Variants in PKD1L1 observed in about 807,000 individuals in gnomAD.
PKD1L1 encodes polycystin 1 like 1, transient receptor potential channel interacting, also known as polycystin-1-like protein 1.
A neutral mutation model predicts 323.4 loss-of-function variants in PKD1L1; 236 were observed. The observed-to-expected ratio is 0.73, with a 90% CI of 0.66 to 0.81. PKD1L1 has a LOEUF of 0.81. PKD1L1 is among the 40% of genes least tolerant of loss of function. The probability of loss-of-function intolerance (pLI) is 0.00; values close to 1 mark genes in which losing one functional copy is unlikely to be tolerated. For missense variants in PKD1L1, 3,320 were observed against 3,508.0 expected (o/e 0.95, Z 1.35); for synonymous variants, 1,344 against 1,335.0 (o/e 1.01, Z -0.15).
At chr7:47,858,620 A>T in intron 27 of PKD1L1, 53 bp downstream of exon 27, 6 of 1,506,104 alleles carry the variant, frequency 4.0e-6, no homozygotes, top group Non-Finnish European at 5.5e-6. Flanking sequence ...ACAGGTTAAC[A>T]TCCTGGGATA....
intron 27 of PKD1L1, 84 bp from the exon 28 acceptor site, chr7:47,857,916 A>C: frequency 1.5e-6 from 2 of 1,333,478 alleles, no homozygotes; most frequent in Non-Finnish European, 2.1e-6. Flanking sequence ...AGAGGGGAAA[A>C]GTAGTTAAAA....
intron 44 of PKD1L1, among the ~76,000 whole-genome samples, chr7:47,827,758 A>T (rs977239643): frequency 6.6e-6 from 1 of 152,184 alleles, no homozygotes; most frequent in Non-Finnish European, 1.5e-5. Flanking sequence ...GGGTATGTCT[A>T]CTACTGTCAA....
upstream of PKD1L1, among the ~76,000 whole-genome samples, chr7:47,950,321 C>T (rs1314826594): frequency 6.6e-6 from 1 of 152,106 alleles, no homozygotes; most frequent in Non-Finnish European, 1.5e-5. Flanking sequence ...ACAGGGCCTA[C>T]ATTTAAAGTT....
Position 47,836,993 on chromosome 7 carries a change from G to A in PKD1L1, c.5871C>T (p.Leu1957=), listed in dbSNP as rs747193187. Reference sequence around the variant, plus strand: ...CGCACAGCAGGGAGAAGGACACGGTGAGGCGCGGCGTGTGCAGGTAGCGGC... The same window carrying A: ...CGCACAGCAGGGAGAAGGACACGGTAAGGCGCGGCGTGTGCAGGTAGCGGC... ...SSSRYLHTPR[L]TVSFSLLCVY... The change falls in exon 37 of 57, where the codon CTC becomes CTT. Residue 1957 remains leucine (L), a synonymous_variant. Coordinates refer to ENST00000289672, the MANE Select transcript of PKD1L1 (RefSeq NM_138295.5). 6 of 1,614,114 alleles carry A rather than the reference G, an allele frequency of 3.7e-6. No homozygotes were observed. Among genetic ancestry groups the A allele is most frequent in the Non-Finnish European group, 5.1e-6 (6 of 1,180,052 alleles).
At chr7:47,895,918 A>G (rs945572192) in intron 14 of PKD1L1, among the ~76,000 whole-genome samples, 3 of 152,146 alleles carry the variant, frequency 2.0e-5, no homozygotes, top group Admixed American at 6.5e-5. Flanking sequence ...TGTTTAGTTG[A>G]TAGAGAAAAG....
chr7:47,927,594 T>C (rs1787680019), intron 7 of PKD1L1, among the ~76,000 whole-genome samples: 1 of 152,182 alleles, frequency 6.6e-6, no homozygotes, highest in Non-Finnish European at 1.5e-5. Context: ...AAAGAGCTCA[T>C]TGAAACCCCA....
intron 50 of PKD1L1, among the ~76,000 whole-genome samples, chr7:47,811,154 C>CTTTT (rs11412484): frequency 8.2e-6 from 1 of 121,232 alleles, no homozygotes; most frequent in African/African-American, 3.3e-5. Context: ...ATGTCTCCTT[C>CTTTT]TTTTTTTTTT....
intron 25 of PKD1L1, 27 bp downstream of exon 25, chr7:47,866,392 C>A: frequency 6.2e-7 from 1 of 1,604,366 alleles, no homozygotes. Context: ...TTTACAGACA[C>A]TAAACTCACC....
chr7:47,858,245 C>T (rs1216181118), intron 27 of PKD1L1, among the ~76,000 whole-genome samples: 1 of 152,056 alleles, frequency 6.6e-6, no homozygotes. Flanking sequence ...TCCAAAGTTA[C>T]CAGAGCAGAA....
At chr7:47,945,406 G>A (rs540234005) in intron 1 of PKD1L1, among the ~76,000 whole-genome samples, 1 of 152,260 alleles carries the variant, frequency 6.6e-6, no homozygotes, top group South Asian at 2.1e-4. Context: ...CCAGAGGGCA[G>A]ACGAGGACAA....
chr7:47,829,634 G>A (rs750614772), intron 43 of PKD1L1, 33 bp from the exon 44 acceptor site: 13 of 1,568,910 alleles, frequency 8.3e-6, no homozygotes, highest in Admixed American at 3.7e-5. Context: ...GCAGAGAGCC[G>A]CCCTATGTCT....
intron 21 of PKD1L1, among the ~76,000 whole-genome samples, chr7:47,878,730 C>T (rs1786462720): frequency 6.6e-6 from 1 of 152,146 alleles, no homozygotes; most frequent in Non-Finnish European, 1.5e-5. Flanking sequence ...GGCATTCCAG[C>T]CAAAATAACC....
At chr7:47,957,560 G>A in the PKD1L1 span, among the ~76,000 whole-genome samples, 1 of 152,066 alleles carries the variant, frequency 6.6e-6, no homozygotes, top group Non-Finnish European at 1.5e-5. Flanking sequence ...CCACGCTGAA[G>A]TGCAGTGTTG....
chr7:47,774,993 A>G lies in PKD1L1; in HGVS notation c.*150T>C. ...ACCTTGATTTTCATCCTGGTTTCCC[A>G]TTTACTTGTTACGTGAACTGGAAAA... On this transcript the variant is annotated 3_prime_UTR_variant, in exon 57 of 57. Transcript: ENST00000289672. The G allele has an allele frequency of 1.3e-6, 1 of 773,860 alleles. No homozygotes were observed. Among genetic ancestry groups the G allele is most frequent in the Non-Finnish European group, 2.2e-6 (1 of 459,456 alleles). 47.9% of individuals were successfully genotyped at this position (773,860 alleles called of 1,614,324 possible).
At chr7:47,890,376 C>T (rs2128748627) in intron 16 of PKD1L1, among the ~76,000 whole-genome samples, 166 bp downstream of exon 16, 1 of 152,304 alleles carries the variant, frequency 6.6e-6, no homozygotes, top group Non-Finnish European at 1.5e-5. Context: ...GGACTGCTTC[C>T]CCAGCCGCTT....
intron 31 of PKD1L1, among the ~76,000 whole-genome samples, chr7:47,850,718 T>C (rs187715295): frequency 1.3e-5 from 2 of 150,682 alleles, no homozygotes; most frequent in East Asian, 1.9e-4. Flanking sequence ...ATAAAACGTA[T>C]AGCAAAAACC....
intron 31 of PKD1L1, 121 bp downstream of exon 31, chr7:47,853,006 G>A (rs1421690496): frequency 9.7e-6 from 7 of 724,926 alleles, no homozygotes; most frequent in Non-Finnish European, 1.7e-5. Flanking sequence ...TAAGCAAGCA[G>A]AGAAAGGATT....
Position 47,880,852 on chromosome 7 carries a change from A to G in PKD1L1, c.3443-47T>C, listed in dbSNP as rs17131899. The G allele has an allele frequency of 0.29, 438,662 of 1,495,618 alleles. 68,481 individuals carry two copies. The highest frequency in any genetic ancestry group is 0.56 in the African/African-American group (39,896 of 70,846). The allele number at this position is 1,495,618 out of a possible 1,614,324, so 92.6% of individuals were successfully genotyped here. ...ATGGAAATGACAGTCAGTGGTCTCA[A>G]GGACAGAGGTCACACAGAGTCCTTG... is the stretch of plus-strand genomic sequence containing the variant. On this transcript the variant is annotated intron_variant, in intron 20 of 56. Transcript: ENST00000289672.
chr7:47,808,580 C>A (rs1281794382), intron 51 of PKD1L1, among the ~76,000 whole-genome samples, 193 bp from the exon 52 acceptor site: 1 of 152,152 alleles, frequency 6.6e-6, no homozygotes. Context: ...ATAGACAGTC[C>A]CACACACCTA....
Sources: allele counts gnomAD v4.1 joint callset (sites outside exome capture counted in the v4.1 genomes callset), GRCh38; gene constraint gnomAD v4.1.1; transcripts MANE v1.5; gene names NCBI Gene and HGNC (gene_info 2026-07-23, HGNC 2026-07-21).